OR5A2: variants seen among roughly 807,000 people sequenced by gnomAD.
The protein encoded by OR5A2 is olfactory receptor family 5 subfamily A member 2, also known as olfactory receptor 5A2.
For synonymous variants in OR5A2, 155 were observed against 151.1 expected (o/e 1.03, Z -0.19); for missense variants, 406 against 398.9 (o/e 1.02, Z -0.15).
rs1248277390 is a variant in OR5A2, at chr11:59,422,376, G to A, written c.578C>T (p.Thr193Ile). The change falls in exon 2 of 2, where the codon ACC becomes ATC. Residue 193 changes from threonine (T) to isoleucine (I), a missense_variant. Coordinates refer to ENST00000302040, the MANE Select transcript of OR5A2 (RefSeq NM_001001954.2). ...PPVLALSCSD[T>I]FTSEVVTFIV... ...GAAGGTCACCACCTCGCTGGTGAAG[G>A]TATCAGAGCAGGACAGAGCCAGGAC... The A allele has an allele frequency of 1.2e-6, 2 of 1,614,132 alleles. No homozygotes were observed. Among genetic ancestry groups the A allele is most frequent in the Admixed American group, 1.7e-5 (1 of 60,022 alleles).
In OR5A2 at chr11:59,421,772, A is replaced by G. The variant is rs928303534; in HGVS notation, c.*207T>C. 3 of 494,378 alleles carry G rather than the reference A, an allele frequency of 6.1e-6. No homozygotes were observed. The highest frequency in any genetic ancestry group is 3.8e-5 in the African/African-American group (2 of 51,952). The allele number at this position is 494,378 out of a possible 1,614,324, so 30.6% of individuals were successfully genotyped here. A position where few individuals can be genotyped will look rare whatever the true frequency, so the allele number is the denominator to read the frequency against. On this transcript the variant is annotated 3_prime_UTR_variant, in exon 2 of 2. Transcript: ENST00000302040. ...GATGAAGTTTTCTGCTAGGCAGAGC[A>G]TTTAAAATCTCAAACTATACAATGC...
At position 59,422,572 on chromosome 11, in the gene OR5A2, A is replaced by C; in HGVS notation, c.382T>G (p.Cys128Gly). The change falls in exon 2 of 2, where the codon TGC becomes GGC. Residue 128 changes from cysteine to glycine, a missense_variant. Transcript: ENST00000302040. ...AMAYDRYAAI[C>G]NPLLYTVLIS... is the part of the protein sequence containing the mutation. ...AGGACTGTGTAAAGCAAGGGGTTGC[A>C]GATTGCAGCATACCGGTCATAGGCC... 6.2e-7 allele frequency: 1 copy of C among 1,614,234 alleles called. No homozygotes were observed. Among genetic ancestry groups the C allele is most frequent in the Admixed American group, 1.7e-5 (1 of 60,022 alleles).
rs1237742043 is a variant in OR5A2 at position 59,418,959 on chromosome 11, G to A, written c.*3020C>T. ...TGAGACATTTTCATTAGTTAATTGT[G>A]TCGCTTCAATGACTACCATTTTGAA... On this transcript the variant is annotated 3_prime_UTR_variant, in exon 2 of 2. Transcript: ENST00000302040. 6.6e-6 allele frequency: 1 copy of A among 152,080 alleles called. No homozygotes were observed. The highest frequency in any genetic ancestry group is 2.4e-5 in the African/African-American group (1 of 41,406). The allele number at this position is 152,080 out of a possible 1,614,324, so 9.4% of individuals were successfully genotyped here. A position where few individuals can be genotyped will look rare whatever the true frequency, so the allele number is the denominator to read the frequency against.
intron 1 of OR5A2, chr11:59,423,942 T>C (rs1317474522): frequency 6.6e-6 from 1 of 152,268 alleles, no homozygotes; most frequent in African/African-American, 2.4e-5. Flanking sequence ...AATCAATATT[T>C]CCTGGGCAAG....
Position 59,421,978 on chromosome 11 carries a change from A to G in OR5A2, c.*1T>C. ...CCTAGCTCACAGCTTCATTGTAAAC[A>G]TTAGCCCAAGGTCATAAAAATGAAT... is the stretch of plus-strand genomic sequence containing the variant. On this transcript the variant is annotated 3_prime_UTR_variant, in exon 2 of 2. Transcript: ENST00000302040. The G allele has an allele frequency of 6.3e-7, 1 of 1,593,630 alleles. No individual in the cohort carries two copies. The highest frequency in any genetic ancestry group is 1.1e-5 in the South Asian group (1 of 87,968).
At chr11:59,423,572 TAA>T (rs1042232412) in intron 1 of OR5A2, 8 of 152,186 alleles carry the variant, frequency 5.3e-5, no homozygotes, top group African/African-American at 1.9e-4. Flanking sequence ...GTAGTAAAAC[TAA>T]GTGGGAAAAA....
Position 59,418,610 on chromosome 11 carries a change from A to G in OR5A2, c.*3369T>C, listed in dbSNP as rs942465377. The G allele has an allele frequency of 3.9e-5, 6 of 152,120 alleles. No individual in the cohort carries two copies. The allele number at this position is 152,120 out of a possible 1,614,324, so 9.4% of individuals were successfully genotyped here. ...TGTGTCTGATTATATGCCCCATAATAAATACACTTGTTTAGGAAATATTTA... is the reference window on the plus strand; with the variant it reads ...TGTGTCTGATTATATGCCCCATAATGAATACACTTGTTTAGGAAATATTTA... On this transcript the variant is annotated 3_prime_UTR_variant, in exon 2 of 2. Transcript: ENST00000302040.
chr11:59,422,218 G>A lies in OR5A2; in HGVS notation c.736C>T (p.Leu246=). The part of the protein sequence containing the change: ...TKAFSTCASH[L]TAVTLFYGSG... ...CCATAGAAGAGGGTCACAGCAGTCA[G>A]GTGAGAGGCACAAGTGCTGAAGGCC... The change falls in exon 2 of 2, where the codon CTG becomes TTG. Residue 246 remains leucine, a synonymous_variant. Coordinates refer to ENST00000302040, the MANE Select transcript of OR5A2 (RefSeq NM_001001954.2). 1 of 1,614,122 alleles carries A rather than the reference G, an allele frequency of 6.2e-7. No homozygotes were observed. Among genetic ancestry groups the A allele is most frequent in the Non-Finnish European group, 8.5e-7 (1 of 1,179,998 alleles).
chr11:59,423,046 T>C lies in OR5A2; in HGVS notation c.-91-2A>G. The C allele has an allele frequency of 1.6e-6, 2 of 1,258,740 alleles. No individual in the cohort carries two copies. The highest frequency in any genetic ancestry group is 2.2e-6 in the Non-Finnish European group (2 of 899,814). 78.0% of individuals were successfully genotyped at this position (1,258,740 alleles called of 1,614,324 possible). A position where few individuals can be genotyped will look rare whatever the true frequency, so the allele number is the denominator to read the frequency against. ...TGTTATTGTAAGAGTGGGTATTTCC[T>C]AGAAGATCATACAAACAGTCAGCAA... is the stretch of plus-strand genomic sequence containing the variant. On this transcript the variant is annotated splice_acceptor_variant, in intron 1 of 1. Transcript: ENST00000302040. LOFTEE classifies it low-confidence loss of function (5UTR_SPLICE).
Position 59,422,137 on chromosome 11 carries a change from T to TTAGGGA in OR5A2, c.816_817insTCCCTA (p.Asp272_Lys273insSerLeu), listed in dbSNP as rs1858231633. 1 of 1,613,956 alleles carries TTAGGGA rather than the reference T, an allele frequency of 6.2e-7. No individual in the cohort carries two copies. Among genetic ancestry groups the TTAGGGA allele is most frequent in the East Asian group, 2.2e-5 (1 of 44,894 alleles). ...AAGGCATAGAATATGGACACCACCTTGTCCCTGTTTAGGGAGTAGCTGGAA... is the reference window on the plus strand; with the variant it reads ...AAGGCATAGAATATGGACACCACCTTTAGGGAGTCCCTGTTTAGGGAGTAGCTGGAA... On this transcript the variant is annotated inframe_insertion, in exon 2 of 2. Coordinates refer to ENST00000302040, the MANE Select transcript of OR5A2 (RefSeq NM_001001954.2).
rs1445796180 is a variant in OR5A2, at chr11:59,418,938, A to G, written c.*3041T>C. On this transcript the variant is annotated 3_prime_UTR_variant, in exon 2 of 2. Transcript: ENST00000302040. ...GCTCCATGTAAATCCAAAGCATGAG[A>G]CATTTTCATTAGTTAATTGTGTCGC... is the stretch of plus-strand genomic sequence containing the variant. The G allele has an allele frequency of 2.0e-5, 3 of 152,158 alleles. No individual in the cohort carries two copies. The highest frequency in any genetic ancestry group is 4.4e-5 in the Non-Finnish European group (3 of 68,022). The allele number at this position is 152,158 out of a possible 1,614,324, so 9.4% of individuals were successfully genotyped here.
Position 59,422,164 on chromosome 11 carries a change from TG to T in OR5A2, c.789del (p.Ser264ValfsTer6), listed in dbSNP as rs750022800. 1.9e-6 allele frequency: 3 copies of T among 1,614,106 alleles called. No individual in the cohort carries two copies. The South Asian group carries it at 3.3e-5, about 18-fold the overall frequency. ...YGSGFFMYMR[P>X]SSSYSLNRDK... Reference sequence around the variant, plus strand: ...TCCCTGTTTAGGGAGTAGCTGGAACTGGGTCGCATGTACATGAAGAATCCAG... The same window carrying T: ...TCCCTGTTTAGGGAGTAGCTGGAACTGGTCGCATGTACATGAAGAATCCAG... On this transcript the variant is annotated frameshift_variant, in exon 2 of 2. Transcript: ENST00000302040. LOFTEE classifies it low-confidence loss of function (END_TRUNC).
rs1282901609 is a variant in OR5A2, at chr11:59,424,065, G to A, written c.-91-1021C>T. On this transcript the variant is annotated intron_variant, in intron 1 of 1. Coordinates refer to ENST00000302040, the MANE Select transcript of OR5A2 (RefSeq NM_001001954.2). ...CGATGACTATGAAGACAAGAGGTAA[G>A]CCCATACATATCTGGCAGTTAAGAA... is the stretch of plus-strand genomic sequence containing the variant. 4 of 152,332 alleles carry A rather than the reference G, an allele frequency of 2.6e-5. No homozygotes were observed. The East Asian group carries it at 7.7e-4, about 29-fold the overall frequency. The allele number at this position is 152,332 out of a possible 1,614,324, so 9.4% of individuals were successfully genotyped here.
chr11:59,425,873 T>G (rs560784112), intron 1 of OR5A2: 3 of 152,358 alleles, frequency 2.0e-5, no homozygotes, highest in South Asian at 2.1e-4. Flanking sequence ...TATGACTTAC[T>G]ATATTTGGTG....
At chr11:59,423,095 A>T in intron 1 of OR5A2, 51 bp from the exon 2 acceptor site, 1 of 828,490 alleles carries the variant, frequency 1.2e-6, no homozygotes, top group East Asian at 2.4e-5. Flanking sequence ...ACCCAGTTAA[A>T]GCCCAGCCAC....
At chr11:59,425,786 T>G (rs1858295045) in intron 1 of OR5A2, 1 of 152,162 alleles carries the variant, frequency 6.6e-6, no homozygotes, top group African/African-American at 2.4e-5. Context: ...GGGACATAGG[T>G]GCCCACTAAA....
chr11:59,419,790 A>C lies in OR5A2; in HGVS notation c.*2189T>G, dbSNP rs542935422. On this transcript the variant is annotated 3_prime_UTR_variant, in exon 2 of 2. Transcript: ENST00000302040. ...TTGTGGAGACCAAGTTTTATTGTGC[A>C]GAAGAAGCTCTCAGACAGCAGACTT... The C allele has an allele frequency of 9.2e-5, 14 of 152,286 alleles. No homozygotes were observed. In the East Asian group the frequency reaches 1.4e-3, roughly 15 times the overall value. 9.4% of individuals were successfully genotyped at this position (152,286 alleles called of 1,614,324 possible). A position where few individuals can be genotyped will look rare whatever the true frequency, so the allele number is the denominator to read the frequency against.
rs1198840351 is a variant in OR5A2, at chr11:59,417,203, C to A, written c.*4776G>T. On this transcript the variant is annotated 3_prime_UTR_variant, in exon 2 of 2. Coordinates refer to ENST00000302040, the MANE Select transcript of OR5A2 (RefSeq NM_001001954.2). ...GGTTTATTTATAGAATGTGGTCCCACCCAAAGTGTGCGGTTAGTCTCTTCA... is the reference window on the plus strand; with the variant it reads ...GGTTTATTTATAGAATGTGGTCCCAACCAAAGTGTGCGGTTAGTCTCTTCA... 2 of 151,988 alleles carry A rather than the reference C, an allele frequency of 1.3e-5. No homozygotes were observed. Among genetic ancestry groups the A allele is most frequent in the Non-Finnish European group, 2.9e-5 (2 of 67,978 alleles). 9.4% of individuals were successfully genotyped at this position (151,988 alleles called of 1,614,324 possible). A position where few individuals can be genotyped will look rare whatever the true frequency, so the allele number is the denominator to read the frequency against.
rs1297885976 is a variant in OR5A2 at position 59,418,040 on chromosome 11, T to C, written c.*3939A>G. ...AAATATATATTTCTTAGACCAAAAG[T>C]AGGAAAAGCTGTAAGTTCATCAATC... On this transcript the variant is annotated 3_prime_UTR_variant, in exon 2 of 2. Coordinates refer to ENST00000302040, the MANE Select transcript of OR5A2 (RefSeq NM_001001954.2). 1 of 151,984 alleles carries C rather than the reference T, an allele frequency of 6.6e-6. No individual in the cohort carries two copies. Among genetic ancestry groups the C allele is most frequent in the Non-Finnish European group, 1.5e-5 (1 of 67,974 alleles). The allele number at this position is 151,984 out of a possible 1,614,324, so 9.4% of individuals were successfully genotyped here. A position where few individuals can be genotyped will look rare whatever the true frequency, so the allele number is the denominator to read the frequency against.
Sources: gnomAD v4.1 joint callset for allele counts on GRCh38, gnomAD v4.1.1 for gene constraint, MANE v1.5 for transcripts, NCBI Gene and HGNC (gene_info 2026-07-23, HGNC 2026-07-21) for gene names.